The following ADAMTS2 variants were observed in gnomAD, a reference collection of about 807,000 sequenced individuals.
ADAMTS2 encodes ADAM metallopeptidase with thrombospondin type 1 motif 2.
ADAMTS2 carries 50 observed loss-of-function variants against 123.0 expected under a neutral mutation model. The ratio of observed to expected loss-of-function variants is 0.41; its 90% CI spans 0.32 to 0.51. The LOEUF is 0.51. ADAMTS2 is among the 20% of genes least tolerant of loss of function. The pLI, the probability that ADAMTS2 is intolerant of heterozygous loss-of-function variation, is 0.35. For missense variants in ADAMTS2, 1,494 were observed against 1,705.2 expected, an observed-to-expected ratio of 0.88 and a Z score of 2.18; for synonymous variants, 678 against 695.4, an observed-to-expected ratio of 0.98 and a Z score of 0.39.
chr5:179,281,890 C>T (rs556497995), intron 2 of ADAMTS2, among the ~76,000 whole-genome samples: 3 of 152,322 alleles, frequency 2.0e-5, no homozygotes, highest in Admixed American at 6.5e-5. Context: ...CTTGCATTTC[C>T]CTGACAACTA....
chr5:179,147,635 G>C (rs2113236290), intron 10 of ADAMTS2, among the ~76,000 whole-genome samples: 1 of 152,304 alleles, frequency 6.6e-6, no homozygotes, highest in African/African-American at 2.4e-5. Flanking sequence ...TGGCACAGCG[G>C]TGTGGCGAGT....
Position 179,130,705 on chromosome 5 carries a change from G to GT in ADAMTS2, c.2291-608dup. 6.6e-6 allele frequency among the ~76,000 whole-genome samples: 1 copy of GT among 152,268 alleles called. No homozygotes were observed. The highest frequency in any genetic ancestry group is 6.5e-5 in the Admixed American group (1 of 15,294). On this transcript the variant is annotated intron_variant, in intron 15 of 21. Transcript: ENST00000251582. The surrounding 1 kb of genome is among the most constrained non-coding windows in gnomAD (Gnocchi z 4.3). ...CAGGAAGCCCCATGCTCTCTGCAGT[G>GT]TGGGGGGTGGCTGCTGCGGGGCAGC...
chr5:179,172,445 C>T (rs1184626917), intron 5 of ADAMTS2, among the ~76,000 whole-genome samples: 2 of 152,274 alleles, frequency 1.3e-5, no homozygotes, highest in Admixed American at 6.5e-5. Flanking sequence ...GCATGAGGGG[C>T]AGGGGCCAAG....
intron 5 of ADAMTS2, among the ~76,000 whole-genome samples, chr5:179,164,878 T>C (rs1288026256): frequency 2.0e-5 from 3 of 151,944 alleles, no homozygotes; most frequent in African/African-American, 7.3e-5. Context: ...CTCCTCCCAC[T>C]CCATGAGAGC....
At chr5:179,319,341 C>A (rs117958765) in intron 2 of ADAMTS2, among the ~76,000 whole-genome samples, 2,305 of 152,328 alleles carry the variant, frequency 0.015, 37 homozygotes, top group East Asian at 0.025. Flanking sequence ...CACACATACA[C>A]ATGTGCATCG....
At position 179,125,993 on chromosome 5, in the gene ADAMTS2, C is replaced by T. The variant is rs780397328; in HGVS notation, c.2750+5G>A. The T allele has an allele frequency of 1.2e-6, 2 of 1,613,308 alleles. No homozygotes were observed. The highest frequency in any genetic ancestry group is 2.7e-5 in the African/African-American group (2 of 74,950). On this transcript the variant is annotated splice_donor_5th_base_variant and intron_variant, in intron 18 of 21. Coordinates refer to ENST00000251582, the MANE Select transcript of ADAMTS2 (RefSeq NM_014244.5). ...CTAGTGGGAGCCCGAGCTGGGGGCA[C>T]TCACACTGGCTGGGAGCATTCCTGT...
At chr5:179,135,668 C>T (rs534949766) in intron 13 of ADAMTS2, among the ~76,000 whole-genome samples, 23 of 152,242 alleles carry the variant, frequency 1.5e-4, no homozygotes, top group African/African-American at 2.4e-4. Flanking sequence ...GGAATCAGGA[C>T]GTCTGAGGTG....
At chr5:179,232,947 C>G (rs1344597174) in intron 3 of ADAMTS2, among the ~76,000 whole-genome samples, 1 of 152,138 alleles carries the variant, frequency 6.6e-6, no homozygotes, top group African/African-American at 2.4e-5. Context: ...GCATTTCCAA[C>G]AAGTCTGGAG....
In ADAMTS2 at chr5:179,155,462, G is replaced by A. The variant is rs962843833; in HGVS notation, c.1133-543C>T. On this transcript the variant is annotated intron_variant, in intron 6 of 21. Transcript: ENST00000251582. The surrounding 1 kb of genome is among the most constrained non-coding windows in gnomAD (Gnocchi z 5.1). ...TAGCTAGACCTGTTTCCATAATGCC[G>A]CAGAAGGCTGCAAAGCTGTTCAGCC... Among the ~76,000 whole-genome samples, 5 of 152,148 alleles carry A rather than the reference G, an allele frequency of 3.3e-5. No individual in the cohort carries two copies. In the East Asian group the frequency reaches 5.8e-4, roughly 18 times the overall value.
At chr5:179,238,479 G>A (rs886933620) in intron 3 of ADAMTS2, among the ~76,000 whole-genome samples, 2 of 152,180 alleles carry the variant, frequency 1.3e-5, no homozygotes, top group Non-Finnish European at 2.9e-5. Flanking sequence ...GGGTCTGCGA[G>A]TGCCAGGGCA....
chr5:179,294,450 C>G (rs997615095), intron 2 of ADAMTS2, among the ~76,000 whole-genome samples: 1 of 152,208 alleles, frequency 6.6e-6, no homozygotes, highest in Middle Eastern at 3.2e-3. Context: ...CGAGGGCTGC[C>G]CAGCAGACCC....
In ADAMTS2 at chr5:179,122,719, C is replaced by A. The variant is rs757793067; in HGVS notation, c.3013G>T (p.Ala1005Ser). 6.4e-7 allele frequency: 1 copy of A among 1,552,468 alleles called. No individual in the cohort carries two copies. Among genetic ancestry groups the A allele is most frequent in the East Asian group, 2.4e-5 (1 of 41,032 alleles). ...TQERPVLCRT[A>S]DDSFGICQEE... The stretch of plus-strand genomic sequence containing the variant: ...TGGCAGATGCCGAAGCTGTCGTCCG[C>A]GGTGCGGCAGAGCACTGGCCGCTCC... The change falls in exon 20 of 22, where the codon GCG becomes TCG. Residue 1005 changes from alanine (A) to serine (S), a missense_variant. Transcript: ENST00000251582.
At chr5:179,131,048 C>G (rs1762951598) in intron 15 of ADAMTS2, among the ~76,000 whole-genome samples, 1 of 152,022 alleles carries the variant, frequency 6.6e-6, no homozygotes, top group African/African-American at 2.4e-5. Context: ...TGCAGTGGCT[C>G]ACAGCTGTAA....
At chr5:179,121,596 C>T in intron 21 of ADAMTS2, 65 bp downstream of exon 21, 1 of 1,365,370 alleles carries the variant, frequency 7.3e-7, no homozygotes. Flanking sequence ...GGGCCCAAGG[C>T]AAGCTCCACA....
Position 179,262,365 on chromosome 5 carries a change from A to G in ADAMTS2, c.688+10546T>C, listed in dbSNP as rs1477913847. On this transcript the variant is annotated intron_variant, in intron 3 of 21. Transcript: ENST00000251582. This position sits in a 1 kb window ranked among gnomAD's most constrained non-coding sequence, Gnocchi z 5.9. ...AACTCATCCTGAACCCACTGCCTCC[A>G]CCGCCATCTGTCACCGGGACTCCTC... Among the ~76,000 whole-genome samples the G allele has an allele frequency of 1.3e-5, 2 of 150,950 alleles. No individual in the cohort carries two copies. Among genetic ancestry groups the G allele is most frequent in the Non-Finnish European group, 3.0e-5 (2 of 67,710 alleles).
At chr5:179,333,635 C>T (rs1446952226) in intron 2 of ADAMTS2, among the ~76,000 whole-genome samples, 1 of 129,984 alleles carries the variant, frequency 7.7e-6, no homozygotes, top group Admixed American at 9.0e-5. Context: ...GAGTCTCACT[C>T]TGCTGCTTGG....
At chr5:179,124,177 G>T (rs956573323) in intron 19 of ADAMTS2, among the ~76,000 whole-genome samples, 5 of 152,162 alleles carry the variant, frequency 3.3e-5, no homozygotes, top group African/African-American at 1.2e-4. Context: ...GAGTCTGTGA[G>T]TCCTTCTAGT....
intron 4 of ADAMTS2, among the ~76,000 whole-genome samples, chr5:179,205,305 A>G (rs1031722541): frequency 6.6e-6 from 1 of 152,232 alleles, no homozygotes; most frequent in African/African-American, 2.4e-5. Flanking sequence ...GACTGTCACT[A>G]AACAGTGCCA....
rs1473338124 is a variant in ADAMTS2, at chr5:179,189,521, T to TC, written c.892-8367_892-8366insG. On this transcript the variant is annotated intron_variant, in intron 4 of 21. Transcript: ENST00000251582. This position sits in a 1 kb window ranked among gnomAD's most constrained non-coding sequence, Gnocchi z 4.2. ...CGCCAGTGCGCCTGGTTTTTTTTTT[T>TC]TTTTTTTTTTTTTTTTTAGTAGAGG... is the stretch of plus-strand genomic sequence containing the variant. Among the ~76,000 whole-genome samples, 142 of 139,138 alleles carry TC rather than the reference T, an allele frequency of 1.0e-3. 2 individuals carry two copies. Among genetic ancestry groups the TC allele is most frequent in the African/African-American group, 3.6e-3 (136 of 37,390 alleles). 91.3% of individuals were successfully genotyped at this position (139,138 alleles called of 152,430 possible).
Sources: gnomAD v4.1 joint callset for allele counts (sites outside exome capture counted in the v4.1 genomes callset) on GRCh38, gnomAD v4.1.1 for gene constraint, Gnocchi (gnomAD v3.1) non-coding constraint, MANE v1.5 for transcripts, NCBI Gene and HGNC (gene_info 2026-07-23, HGNC 2026-07-21) for gene names.